The following EPHA6 variants were observed in gnomAD, a reference collection of about 807,000 sequenced individuals.
EPHA6 encodes EPH receptor A6.
A neutral mutation model predicts 112.0 loss-of-function variants in EPHA6; 50 were observed. The ratio of observed to expected loss-of-function variants is 0.45; its 90% CI spans 0.36 to 0.56. The LOEUF is 0.56. EPHA6 is among the 20% of genes least tolerant of loss of function. The pLI, the probability that EPHA6 is intolerant of heterozygous loss-of-function variation, is 0.00. For missense variants in EPHA6, 1,280 were observed against 1,417.4 expected (o/e 0.90, Z 1.56); for synonymous variants, 529 against 490.7 (o/e 1.08, Z -1.03).
At chr3:97,470,608 C>T (rs1172978775) in intron 7 of EPHA6, among the ~76,000 whole-genome samples, 1 of 151,572 alleles carries the variant, frequency 6.6e-6, no homozygotes, top group Non-Finnish European at 1.5e-5. Context: ...TTCTCCGACA[C>T]TTTCCTAAAG....
chr3:97,252,076 G>A (rs768711163), intron 5 of EPHA6, among the ~76,000 whole-genome samples: 4 of 152,038 alleles, frequency 2.6e-5, no homozygotes, highest in Non-Finnish European at 4.4e-5. Flanking sequence ...TTTTTCTGTA[G>A]TTGACCCCAC....
chr3:97,194,813 A>G (rs546843858), intron 3 of EPHA6, among the ~76,000 whole-genome samples: 1 of 152,152 alleles, frequency 6.6e-6, no homozygotes, highest in Admixed American at 6.5e-5. Context: ...TTGTCATTGT[A>G]CAATGACTAT....
At chr3:97,070,959 A>G (rs986981378) in intron 3 of EPHA6, among the ~76,000 whole-genome samples, 54 of 152,124 alleles carry the variant, frequency 3.5e-4, no homozygotes, top group African/African-American at 1.2e-3. Flanking sequence ...CCATTTATTC[A>G]TAGAATTAAC....
intron 11 of EPHA6, among the ~76,000 whole-genome samples, chr3:97,538,485 C>T (rs1414383722): frequency 6.6e-6 from 1 of 152,106 alleles, no homozygotes; most frequent in African/African-American, 2.4e-5. Flanking sequence ...TCCAGAATGT[C>T]CCTGGAGCCT....
chr3:97,089,245 C>CA (rs2046993161), intron 3 of EPHA6, among the ~76,000 whole-genome samples: 1 of 152,054 alleles, frequency 6.6e-6, no homozygotes, highest in Non-Finnish European at 1.5e-5. Context: ...GAAAAACAGA[C>CA]AAAAACTAAA....
At chr3:96,912,148 T>C (rs151306416) in intron 2 of EPHA6, among the ~76,000 whole-genome samples, 26 of 152,270 alleles carry the variant, frequency 1.7e-4, no homozygotes, top group African/African-American at 6.0e-4. Context: ...GTTTACAGCA[T>C]TACAAAATGG....
At chr3:97,680,624 T>C (rs958365215) in intron 14 of EPHA6, among the ~76,000 whole-genome samples, 1 of 152,214 alleles carries the variant, frequency 6.6e-6, no homozygotes, top group Non-Finnish European at 1.5e-5. Flanking sequence ...GACATGACTT[T>C]TACTGTATTG....
intron 3 of EPHA6, among the ~76,000 whole-genome samples, chr3:97,071,531 G>T (rs1008209980): frequency 2.1e-4 from 32 of 152,058 alleles, no homozygotes; most frequent in Middle Eastern, 3.4e-3. Context: ...AAATGAGGAA[G>T]AAGCAAAAGC....
chr3:97,377,091 A>G (rs1164132212), intron 5 of EPHA6, among the ~76,000 whole-genome samples: 1 of 152,152 alleles, frequency 6.6e-6, no homozygotes, highest in Non-Finnish European at 1.5e-5. Context: ...TAACAACAAC[A>G]AAGGCCATTA....
chr3:97,270,810 T>C (rs1159994045), intron 5 of EPHA6, among the ~76,000 whole-genome samples: 2 of 152,236 alleles, frequency 1.3e-5, no homozygotes, highest in African/African-American at 4.8e-5. Context: ...TAATTTTTCC[T>C]TTTTTAAGCT....
chr3:97,545,816 G>A (rs984579313), intron 11 of EPHA6, among the ~76,000 whole-genome samples: 5 of 152,198 alleles, frequency 3.3e-5, no homozygotes, highest in Admixed American at 2.6e-4. Context: ...TTACCATTAT[G>A]TAATGGCCTT....
intron 5 of EPHA6, among the ~76,000 whole-genome samples, chr3:97,323,636 A>ATT (rs10662249): frequency 0.22 from 33,172 of 151,776 alleles, 8,588 homozygotes; most frequent in African/African-American, 0.61. Context: ...TAGAAATCTA[A>ATT]CTATTTAATT....
chr3:96,993,298 CT>C (rs534627735), intron 3 of EPHA6, among the ~76,000 whole-genome samples: 3,190 of 140,800 alleles, frequency 0.023, 66 homozygotes, highest in African/African-American at 0.055. Flanking sequence ...ATCCCCCATT[CT>C]TTTTTTTTTT....
At chr3:97,036,187 A>G (rs2045087377) in intron 3 of EPHA6, among the ~76,000 whole-genome samples, 1 of 152,020 alleles carries the variant, frequency 6.6e-6, no homozygotes, top group African/African-American at 2.4e-5. Context: ...TATTATAGCT[A>G]AAACAGACTA....
chr3:97,731,258 G>T (rs548472900), intron 15 of EPHA6, among the ~76,000 whole-genome samples: 1 of 152,190 alleles, frequency 6.6e-6, no homozygotes, highest in South Asian at 2.1e-4. Flanking sequence ...TGGAAGAATG[G>T]CAGTACCCTT....
chr3:97,319,535 T>C (rs978713861), intron 5 of EPHA6, among the ~76,000 whole-genome samples: 3 of 150,998 alleles, frequency 2.0e-5, no homozygotes, highest in African/African-American at 7.3e-5. Flanking sequence ...CCAGATATGG[T>C]GGCCCACATC....
intron 13 of EPHA6, among the ~76,000 whole-genome samples, chr3:97,625,027 T>C (rs562281707): frequency 6.6e-6 from 1 of 151,626 alleles, no homozygotes; most frequent in South Asian, 2.1e-4. Flanking sequence ...TCTTTATTGT[T>C]TTTCTATTCT....
intron 11 of EPHA6, among the ~76,000 whole-genome samples, chr3:97,547,666 C>T (rs2092972602): frequency 6.6e-6 from 1 of 152,182 alleles, no homozygotes; most frequent in African/African-American, 2.4e-5. Context: ...AGAGGTGGAG[C>T]CTACAGAGGC....
chr3:97,340,973 T>C (rs1331267333), intron 5 of EPHA6, among the ~76,000 whole-genome samples: 1 of 152,202 alleles, frequency 6.6e-6, no homozygotes, highest in Non-Finnish European at 1.5e-5. Context: ...CTTACTCACA[T>C]TCCTTTTAAA....
Sources: gnomAD v4.1 joint callset for allele counts (sites outside exome capture counted in the v4.1 genomes callset) on GRCh38, gnomAD v4.1.1 for gene constraint, MANE v1.5 for transcripts, NCBI Gene and HGNC (gene_info 2026-07-23, HGNC 2026-07-21) for gene names.